The following SNX13 variants were observed in gnomAD, a reference collection of about 807,000 sequenced individuals.
The protein encoded by SNX13 is sorting nexin 13.
SNX13 carries 45 observed loss-of-function variants against 133.6 expected under a neutral mutation model. The ratio of observed to expected loss-of-function variants is 0.34; its 90% CI spans 0.27 to 0.43. The LOEUF (loss-of-function observed/expected upper bound fraction) is 0.43. SNX13 is among the 20% of genes least tolerant of loss of function. The pLI, the probability that SNX13 is intolerant of heterozygous loss-of-function variation, is 1.00. For missense variants in SNX13, 1,032 were observed against 1,145.1 expected (o/e 0.90, Z 1.43); for synonymous variants, 414 against 373.9 (o/e 1.11, Z -1.24).
In SNX13 at chr7:17,830,830, A is replaced by C. The variant is rs574124265; in HGVS notation, c.1598-783T>G. On this transcript the variant is annotated intron_variant, in intron 15 of 25. Transcript: ENST00000428135. ...CACAGTTTAATATATGGTTTCGAGC[A>C]CTTAAGAGGTTATATATGAATTTGG... 4.1e-6 allele frequency: 4 copies of C among 984,304 alleles called. No homozygotes were observed. The East Asian group carries it at 4.6e-4, about 112-fold the overall frequency. The allele number at this position is 984,304 out of a possible 1,614,324, so 61.0% of individuals were successfully genotyped here. A position where few individuals can be genotyped will look rare whatever the true frequency, so the allele number is the denominator to read the frequency against.
chr7:17,812,351 A>G lies in SNX13; in HGVS notation c.2064+2483T>C, dbSNP rs375844345. Among the ~76,000 whole-genome samples, 7 of 152,234 alleles carry G rather than the reference A, an allele frequency of 4.6e-5. No individual in the cohort carries two copies. The East Asian group carries it at 9.6e-4, about 21-fold the overall frequency. On this transcript the variant is annotated intron_variant, in intron 20 of 25. Transcript: ENST00000428135. ...AAGTGGGCGAACGATACGAACAGAC[A>G]CTTCTCAAAAGAAGACATTTATGCA...
intron 15 of SNX13, among the ~76,000 whole-genome samples, chr7:17,833,688 ACT>A (rs1485266280): frequency 1.3e-4 from 20 of 151,578 alleles, no homozygotes; most frequent in African/African-American, 4.8e-4. Context: ...TTTATGATAT[ACT>A]CTGAGTCATT....
Position 17,839,901 on chromosome 7 carries a change from C to A in SNX13, c.1265G>T (p.Ser422Ile). Reference protein sequence around the residue: ...TAQQQLEVLLSRQRDGKHQTN... With the variant: ...TAQQQLEVLLIRQRDGKHQTN... ...TTGATGTTTTCCATCTCTCTGACGA[C>A]TTAATAAAACTTCTAGCTGCTGTTG... Residue 422 changes from serine (S) to isoleucine (I), a missense_variant, in exon 13 of 26, where the codon AGT (serine) becomes ATT (isoleucine). By Grantham distance (142) the Ser-to-Ile change is moderately radical. Transcript: ENST00000428135. 1 of 1,612,082 alleles carries A rather than the reference C, an allele frequency of 6.2e-7. No homozygotes were observed. Among genetic ancestry groups the A allele is most frequent in the Non-Finnish European group, 8.5e-7 (1 of 1,178,738 alleles).
intron 15 of SNX13, chr7:17,830,545 T>C: frequency 1.0e-6 from 1 of 984,006 alleles, no homozygotes; most frequent in Middle Eastern, 5.2e-4. Flanking sequence ...TAGATTATCT[T>C]GAAAACACTG....
Position 17,799,044 on chromosome 7 carries a change from C to G in SNX13, c.2409G>C (p.Gln803His), listed in dbSNP as rs1271875990. ...LRRNIKNLLQ[Q>H]LIRATYGDTI... The stretch of plus-strand genomic sequence containing the variant: ...TATCGCCATATGTAGCTCTAATAAG[C>G]TGTTGAAGTAGGTTTTTGATATTCC... Residue 803 changes from glutamine to histidine, a missense_variant, in exon 23 of 26, where the codon CAG (glutamine) becomes CAC (histidine). Transcript: ENST00000428135. 6.2e-7 allele frequency: 1 copy of G among 1,610,548 alleles called. No individual in the cohort carries two copies.
At chr7:17,832,537 A>G (rs1788617284) in intron 15 of SNX13, 11 of 950,174 alleles carry the variant, frequency 1.2e-5, no homozygotes, top group Non-Finnish European at 1.3e-5. Context: ...AACAACAAAA[A>G]CTTTTATAAT....
At chr7:17,937,372 G>A (rs796751000) in intron 1 of SNX13, among the ~76,000 whole-genome samples, 6 of 151,702 alleles carry the variant, frequency 4.0e-5, no homozygotes, top group African/African-American at 7.3e-5. Context: ...TTTTTGGCCC[G>A]GTGCAGTGGC....
chr7:17,883,220 G>T (rs1034246848), intron 5 of SNX13, among the ~76,000 whole-genome samples: 2 of 152,076 alleles, frequency 1.3e-5, no homozygotes, highest in African/African-American at 2.4e-5. Context: ...GAAGGACTTA[G>T]ATCTCAGAAA....
intron 15 of SNX13, among the ~76,000 whole-genome samples, chr7:17,833,559 T>C (rs927088562): frequency 2.6e-5 from 4 of 151,546 alleles, no homozygotes; most frequent in African/African-American, 9.7e-5. Flanking sequence ...AAACTGAAGG[T>C]TGGGATAAAT....
At chr7:17,917,985 C>A (rs374806211) in intron 1 of SNX13, among the ~76,000 whole-genome samples, 5 of 151,960 alleles carry the variant, frequency 3.3e-5, no homozygotes, top group African/African-American at 7.2e-5. Context: ...AATAGAGAAC[C>A]CAGAAATAAA....
chr7:17,808,994 G>A (rs1269618844), intron 20 of SNX13, among the ~76,000 whole-genome samples: 3 of 152,132 alleles, frequency 2.0e-5, no homozygotes, highest in Non-Finnish European at 4.4e-5. Context: ...ATCAGCCACT[G>A]CAAAAACATG....
intron 12 of SNX13, among the ~76,000 whole-genome samples, chr7:17,840,445 A>G (rs1214251051): frequency 1.3e-5 from 2 of 152,012 alleles, no homozygotes; most frequent in East Asian, 1.9e-4. Context: ...CGTAATAGCA[A>G]TAAGATCTAA....
chr7:17,936,234 A>G (rs1012669272), intron 1 of SNX13, among the ~76,000 whole-genome samples: 3 of 152,242 alleles, frequency 2.0e-5, no homozygotes, highest in African/African-American at 7.2e-5. Context: ...TTAGGCAAAT[A>G]TCCTCCAAAT....
At chr7:17,890,587 C>A in intron 4 of SNX13, 103 bp from the exon 5 acceptor site, 1 of 734,320 alleles carries the variant, frequency 1.4e-6, no homozygotes, top group East Asian at 2.9e-5. Context: ...TATATTTACT[C>A]TCTACGTATT....
chr7:17,940,235 G>C, intron 1 of SNX13, 49 bp downstream of exon 1: 1 of 1,552,268 alleles, frequency 6.4e-7, no homozygotes, highest in South Asian at 1.2e-5. Flanking sequence ...GGCTGGCGCC[G>C]GCCCCTTCCC....
At chr7:17,840,319 A>G (rs537339456) in intron 12 of SNX13, among the ~76,000 whole-genome samples, 339 of 152,184 alleles carry the variant, frequency 2.2e-3, no homozygotes, top group Non-Finnish European at 3.4e-3. Context: ...TATAATATGA[A>G]TATTTCTAGA....
chr7:17,843,162 A>G (rs1790105456), intron 12 of SNX13, among the ~76,000 whole-genome samples: 1 of 152,054 alleles, frequency 6.6e-6, no homozygotes. Context: ...GATTAAAAAA[A>G]TCAATCCAAT....
Position 17,852,365 on chromosome 7 carries a change from T to G in SNX13, c.838-1401A>C, listed in dbSNP as rs190186551. On this transcript the variant is annotated intron_variant, in intron 9 of 25. Coordinates refer to ENST00000428135, the MANE Select transcript of SNX13 (RefSeq NM_015132.5). ...TCCAGGTTGGGCGCCAGAGTGAGAT[T>G]CCGTCTCAAAAAGAAAAGAAAAGAA... Among the ~76,000 whole-genome samples, 430 of 151,214 alleles carry G rather than the reference T, an allele frequency of 2.8e-3. 12 individuals carry two copies. The highest frequency in any genetic ancestry group is 0.026 in the Admixed American group (388 of 15,170).
At chr7:17,835,095 A>T (rs1788985092) in intron 13 of SNX13, among the ~76,000 whole-genome samples, 1 of 151,894 alleles carries the variant, frequency 6.6e-6, no homozygotes, top group Non-Finnish European at 1.5e-5. Context: ...TTTAAATCTC[A>T]ACTTTTGCCT....
Sources: allele counts gnomAD v4.1 joint callset (sites outside exome capture counted in the v4.1 genomes callset), GRCh38; gene constraint gnomAD v4.1.1; transcripts MANE v1.5; gene names NCBI Gene and HGNC (gene_info 2026-07-23, HGNC 2026-07-21).